The following PRDM16 variants were observed in gnomAD, a reference collection of about 807,000 sequenced individuals.
PRDM16 encodes histone-lysine N-methyltransferase PRDM16.
PRDM16 carries 23 observed loss-of-function variants against 110.6 expected under a neutral mutation model. That is an observed-to-expected ratio of 0.21 (90% CI 0.15 to 0.29). PRDM16 has a LOEUF of 0.29. Ranked by LOEUF, PRDM16 falls within the 10% of genes least tolerant of loss-of-function variation. The pLI is 1.00. For synonymous variants in PRDM16, 799 were observed against 781.8 expected, an observed-to-expected ratio of 1.02 and a Z score of -0.37; for missense variants, 1,615 against 1,794.3, an observed-to-expected ratio of 0.90 and a Z score of 1.81.
chr1:3,201,369 C>T lies in PRDM16; in HGVS notation c.387+14895C>T, dbSNP rs571055528. Among the ~76,000 whole-genome samples, 190 of 152,268 alleles carry T rather than the reference C, an allele frequency of 1.2e-3. 2 individuals carry two copies. The highest frequency in any genetic ancestry group is 6.2e-4 in the South Asian group (3 of 4,816). Reference sequence around the variant, plus strand: ...AAGATGCAGCCTCGGCGCTCAGAGGCGGGTGTCCAGTCCCCAGAGAGGTGG... The same window carrying T: ...AAGATGCAGCCTCGGCGCTCAGAGGTGGGTGTCCAGTCCCCAGAGAGGTGG... On this transcript the variant is annotated intron_variant, in intron 2 of 16. Transcript: ENST00000270722. This position sits in a 1 kb window ranked among gnomAD's most constrained non-coding sequence, Gnocchi z 4.1.
intron 3 of PRDM16, among the ~76,000 whole-genome samples, chr1:3,266,297 C>A (rs1012343436): frequency 2.0e-5 from 3 of 152,184 alleles, no homozygotes; most frequent in African/African-American, 7.2e-5. Flanking sequence ...CCTGGCACAG[C>A]CGGACGCCAG....
At chr1:3,111,842 C>T (rs941796881) in intron 1 of PRDM16, among the ~76,000 whole-genome samples, 1 of 152,228 alleles carries the variant, frequency 6.6e-6, no homozygotes, top group Admixed American at 6.5e-5. Context: ...GACAGCGCCA[C>T]GATAATTCAC....
intron 3 of PRDM16, among the ~76,000 whole-genome samples, chr1:3,313,528 T>G (rs1436615769): frequency 6.6e-6 from 1 of 152,156 alleles, no homozygotes; most frequent in African/African-American, 2.4e-5. Flanking sequence ...AAAGAGGAAT[T>G]CAGATGTGAA....
At chr1:3,394,862 TAA>T (rs1643362320) in intron 4 of PRDM16, among the ~76,000 whole-genome samples, 2 of 150,348 alleles carry the variant, frequency 1.3e-5, no homozygotes, top group South Asian at 4.2e-4. Context: ...TTTTTTTTGA[TAA>T]GATGATACAA....
intron 2 of PRDM16, among the ~76,000 whole-genome samples, chr1:3,210,728 T>C (rs899132765): frequency 6.6e-6 from 1 of 152,226 alleles, no homozygotes; most frequent in African/African-American, 2.4e-5. Flanking sequence ...AAGATATACA[T>C]CCACTTGTTC....
intron 1 of PRDM16, among the ~76,000 whole-genome samples, chr1:3,088,826 C>T (rs574179289): frequency 6.6e-5 from 10 of 151,418 alleles, no homozygotes; most frequent in South Asian, 2.1e-4. Context: ...CTCACTCTGT[C>T]GCCCAGGCTG....
At chr1:3,225,573 T>TGTGTGTGCGCGCGC (rs1336272072) in intron 2 of PRDM16, among the ~76,000 whole-genome samples, 80 of 129,900 alleles carry the variant, frequency 6.2e-4, no homozygotes, top group African/African-American at 2.0e-3. Flanking sequence ...TGTGTGTGTG[T>TGTGTGTGCGCGCGC]GCGCGCGCGC....
In PRDM16 at chr1:3,290,270, A is replaced by G. The variant is rs769721448; in HGVS notation, c.438+46133A>G. The stretch of plus-strand genomic sequence containing the variant: ...GGGAAGGAAGGAGCGACGGGGTGGG[A>G]GGGATCTGCCTGCCAGCCCACAGGG... On this transcript the variant is annotated intron_variant, in intron 3 of 16. Coordinates refer to ENST00000270722, the MANE Select transcript of PRDM16 (RefSeq NM_022114.4). The surrounding 1 kb of genome is among the most constrained non-coding windows in gnomAD (Gnocchi z 4.8). Among the ~76,000 whole-genome samples the G allele has an allele frequency of 3.9e-5, 6 of 152,074 alleles. No homozygotes were observed. Among genetic ancestry groups the G allele is most frequent in the Non-Finnish European group, 5.9e-5 (4 of 68,000 alleles).
rs113367489 is a variant in PRDM16, at chr1:3,357,515, C to T, written c.439-27637C>T. Among the ~76,000 whole-genome samples, 959 of 152,272 alleles carry T rather than the reference C, an allele frequency of 6.3e-3. 11 individuals carry two copies. Among genetic ancestry groups the T allele is most frequent in the African/African-American group, 0.022 (914 of 41,542 alleles). ...GGCTCAGGGTCAGAGCTTTCCAGAGCCCTGGATCCGCCCCTCCTTCCCCTT... is the reference window on the plus strand; with the variant it reads ...GGCTCAGGGTCAGAGCTTTCCAGAGTCCTGGATCCGCCCCTCCTTCCCCTT... On this transcript the variant is annotated intron_variant, in intron 3 of 16. Coordinates refer to ENST00000270722, the MANE Select transcript of PRDM16 (RefSeq NM_022114.4).
intron 1 of PRDM16, among the ~76,000 whole-genome samples, chr1:3,089,145 C>T (rs754195149): frequency 4.6e-5 from 7 of 152,356 alleles, no homozygotes; most frequent in African/African-American, 2.4e-5. Context: ...CTGTCCTCAG[C>T]GGTGAGGGTG....
At chr1:3,118,664 T>C (rs887145026) in intron 1 of PRDM16, among the ~76,000 whole-genome samples, 2 of 152,312 alleles carry the variant, frequency 1.3e-5, no homozygotes, top group Non-Finnish European at 2.9e-5. Flanking sequence ...CATATGACCA[T>C]GTCTCCAGGA....
Position 3,361,544 on chromosome 1 carries a change from T to A in PRDM16, c.439-23608T>A, listed in dbSNP as rs564860499. On this transcript the variant is annotated intron_variant, in intron 3 of 16. Coordinates refer to ENST00000270722, the MANE Select transcript of PRDM16 (RefSeq NM_022114.4). ...CTGTTCCTGCATGCCACAGTCCACATCCTACCCAGCTGGAACCCTGAAGCT... is the reference window on the plus strand; with the variant it reads ...CTGTTCCTGCATGCCACAGTCCACAACCTACCCAGCTGGAACCCTGAAGCT... Among the ~76,000 whole-genome samples the A allele has an allele frequency of 6.6e-5, 10 of 152,318 alleles. No individual in the cohort carries two copies. The South Asian group carries it at 2.1e-3, about 32-fold the overall frequency.
chr1:3,138,011 G>A (rs897255122), intron 1 of PRDM16, among the ~76,000 whole-genome samples: 11 of 152,254 alleles, frequency 7.2e-5, no homozygotes, highest in Non-Finnish European at 1.6e-4. Flanking sequence ...CCTGTGTGCA[G>A]AGCTGGCCAG....
At position 3,414,708 on chromosome 1, in the gene PRDM16, G is replaced by A. The variant is rs147744468; in HGVS notation, c.2691+61G>A. ...CCACACGCCAGTGGCCCCATCTCCC[G>A]GCTGTCGAGGCTCAGTGGCCAGGCT... On this transcript the variant is annotated intron_variant, in intron 10 of 16. Coordinates refer to ENST00000270722, the MANE Select transcript of PRDM16 (RefSeq NM_022114.4). The A allele has an allele frequency of 8.9e-4, 1,181 of 1,322,714 alleles. 9 individuals carry two copies. The African/African-American group carries it at 0.015, about 17-fold the overall frequency. 81.9% of individuals were successfully genotyped at this position (1,322,714 alleles called of 1,614,324 possible). A position where few individuals can be genotyped will look rare whatever the true frequency, so the allele number is the denominator to read the frequency against.
Position 3,414,610 on chromosome 1 carries a change from A to G in PRDM16, c.2654A>G (p.Lys885Arg). The change falls in exon 10 of 17, where the codon AAG becomes AGG. Residue 885 changes from lysine to arginine, a missense_variant. This residue lies in a region of PRDM16 where 772 missense variants were observed against 748.3 expected (regional missense o/e 1.03). Coordinates refer to ENST00000270722, the MANE Select transcript of PRDM16 (RefSeq NM_022114.4). ...VTDPVGALKE[K>R]YLRPSPLLFH... is the part of the protein sequence containing the mutation. ...GACCCCGTGGGAGCCCTGAAGGAGA[A>G]GTACCTGCGGCCGTCCCCGCTGCTC... is the stretch of plus-strand genomic sequence containing the variant. The G allele has an allele frequency of 6.2e-7, 1 of 1,613,480 alleles. No individual in the cohort carries two copies. Among genetic ancestry groups the G allele is most frequent in the Non-Finnish European group, 8.5e-7 (1 of 1,179,888 alleles).
chr1:3,112,892 G>T (rs1403256649), intron 1 of PRDM16, among the ~76,000 whole-genome samples: 1 of 152,244 alleles, frequency 6.6e-6, no homozygotes, highest in African/African-American at 2.4e-5. Flanking sequence ...CGGGGTCCCG[G>T]GCCATCCTTC....
intron 4 of PRDM16, among the ~76,000 whole-genome samples, chr1:3,389,001 G>A (rs773722147): frequency 3.3e-5 from 5 of 152,190 alleles, no homozygotes; most frequent in Admixed American, 3.3e-4. Context: ...CCACAGGCCC[G>A]GTTCTGACTG....
intron 1 of PRDM16, among the ~76,000 whole-genome samples, chr1:3,119,382 T>C (rs1022740283): frequency 6.6e-6 from 1 of 152,212 alleles, no homozygotes; most frequent in African/African-American, 2.4e-5. Flanking sequence ...GCGTGGAAAG[T>C]CATTTCCTTG....
In PRDM16 at chr1:3,351,532, C is replaced by CCTCTCTCCCCTCCCTCTCT; in HGVS notation, c.439-33619_439-33618insTCTCTCCCCTCCCTCTCTC. Among the ~76,000 whole-genome samples, 5 of 2,726 alleles carry CCTCTCTCCCCTCCCTCTCT rather than the reference C, an allele frequency of 1.8e-3. 2 individuals are homozygous for CCTCTCTCCCCTCCCTCTCT. Among genetic ancestry groups the CCTCTCTCCCCTCCCTCTCT allele is most frequent in the Admixed American group, 8.3e-3 (2 of 240 alleles). 1.8% of individuals were successfully genotyped at this position (2,726 alleles called of 152,430 possible). On this transcript the variant is annotated intron_variant, in intron 3 of 16. Transcript: ENST00000270722. ...GTGTCACATTGGAACCCGTCTCTGT[C>CCTCTCTCCCCTCCCTCTCT]CCCCTCCCTCTCTGTCCCCCTCCCT...
Sources: gnomAD v4.1 joint callset for allele counts (sites outside exome capture counted in the v4.1 genomes callset) on GRCh38, gnomAD v4.1.1 for gene constraint, gnomAD v4.1.1 regional missense constraint, Gnocchi (gnomAD v3.1) non-coding constraint, MANE v1.5 for transcripts, NCBI Gene and HGNC (gene_info 2026-07-23, HGNC 2026-07-21) for gene names.